Variants in PDE1C observed in about 807,000 individuals in gnomAD.
The protein encoded by PDE1C is phosphodiesterase 1C, also known as dual specificity calcium/calmodulin-dependent 3',5'-cyclic nucleotide phosphodiesterase 1C.
In PDE1C, 62 loss-of-function variants were observed where a neutral mutation model predicts 93.1. The observed-to-expected ratio is 0.67, with a 90% CI of 0.54 to 0.82. The LOEUF (loss-of-function observed/expected upper bound fraction) is 0.82, where lower values mean the gene tolerates loss of function less well. Among genes scored for constraint, PDE1C ranks in the 40% least tolerant of loss-of-function variants. PDE1C has a pLI of 0.00. For synonymous variants in PDE1C, 325 were observed against 310.1 expected (o/e 1.05, Z -0.50); for missense variants, 742 against 884.6 (o/e 0.84, Z 2.04).
intron 16 of PDE1C, chr7:31,788,599 C>T (rs1211193318): frequency 6.6e-6 from 1 of 152,068 alleles, no homozygotes; most frequent in African/African-American, 2.4e-5. Flanking sequence ...ATACAAAGGC[C>T]CACTATGAAT....
Position 32,294,180 on chromosome 7 carries a change from C to A in PDE1C, c.85+4471G>T, listed in dbSNP as rs574624090. Reference sequence around the variant, plus strand: ...AAGGGTAGGTCAGGGAACCCCCACTCCCAGCCCCTCAAGCCTCCGATTGCT... The same window carrying A: ...AAGGGTAGGTCAGGGAACCCCCACTACCAGCCCCTCAAGCCTCCGATTGCT... On this transcript the variant is annotated intron_variant, in intron 1 of 18. Coordinates refer to the PDE1C transcript ENST00000396193. Among the ~76,000 whole-genome samples, 34 of 152,286 alleles carry A rather than the reference C, an allele frequency of 2.2e-4. 1 individual carries two copies. The South Asian group carries it at 6.9e-3, about 31-fold the overall frequency.
downstream of PDE1C, among the ~76,000 whole-genome samples, chr7:31,750,549 G>A (rs1375086005): frequency 1.3e-5 from 2 of 152,166 alleles, no homozygotes; most frequent in Non-Finnish European, 2.9e-5. Context: ...CTTGCTGTAA[G>A]GCCAGCCCTG....
intron 2 of PDE1C, among the ~76,000 whole-genome samples, chr7:31,885,659 G>A (rs1797775161): frequency 6.6e-6 from 1 of 152,184 alleles, no homozygotes; most frequent in Non-Finnish European, 1.5e-5. Flanking sequence ...CCAGAGCACT[G>A]TATTTTGTAA....
intron 2 of PDE1C, among the ~76,000 whole-genome samples, chr7:31,942,127 A>C (rs1397471230): frequency 6.6e-6 from 1 of 152,130 alleles, no homozygotes; most frequent in Non-Finnish European, 1.5e-5. Flanking sequence ...CAGTCACTAA[A>C]TGTCTTCCTA....
chr7:32,175,864 T>C (rs945557978), intron 2 of PDE1C, among the ~76,000 whole-genome samples: 1 of 152,218 alleles, frequency 6.6e-6, no homozygotes, highest in Non-Finnish European at 1.5e-5. Flanking sequence ...ATGAATCTTG[T>C]CCATAGAAAT....
At chr7:31,636,239 G>A in the PDE1C span, among the ~76,000 whole-genome samples, 1 of 152,122 alleles carries the variant, frequency 6.6e-6, no homozygotes, top group African/African-American at 2.4e-5. Context: ...AAATTTGGGT[G>A]GGGACACAGC....
At position 31,782,057 on chromosome 7, in the gene PDE1C, T is replaced by A. The variant is rs77370526; in HGVS notation, c.1892-6325A>T. On this transcript the variant is annotated intron_variant, in intron 16 of 17. Transcript: ENST00000396191. ...TTCAGAAATGTGACAAAGCGTTATG[T>A]ACAAAGAGCTCCATTGCTGCTATTT... 5.5e-3 allele frequency among the ~76,000 whole-genome samples: 830 copies of A among 152,290 alleles called. 6 individuals are homozygous for A. Among genetic ancestry groups the A allele is most frequent in the African/African-American group, 0.018 (766 of 41,562 alleles).
intron 15 of PDE1C, 113 bp from the exon 16 acceptor site, chr7:31,809,221 G>C (rs531208987): frequency 1.1e-3 from 675 of 629,634 alleles, no homozygotes; most frequent in Admixed American, 2.1e-3. Flanking sequence ...ATAGTCATAA[G>C]AGTGTATGTG....
chr7:31,755,943 A>T (rs1167969244), intron 17 of PDE1C, among the ~76,000 whole-genome samples: 1 of 152,162 alleles, frequency 6.6e-6, no homozygotes, highest in African/African-American at 2.4e-5. Context: ...AGGCTGGCAG[A>T]TCACTGGAGG....
At chr7:32,261,157 T>A (rs1472788078) in intron 1 of PDE1C, among the ~76,000 whole-genome samples, 3 of 152,032 alleles carry the variant, frequency 2.0e-5, no homozygotes, top group Admixed American at 6.5e-5. Flanking sequence ...ATGCAGCCTC[T>A]GGCTCCAAGA....
intron 17 of PDE1C, among the ~76,000 whole-genome samples, chr7:31,775,024 T>A (rs993491492): frequency 6.6e-6 from 1 of 152,212 alleles, no homozygotes; most frequent in Non-Finnish European, 1.5e-5. Context: ...AGCACATGCA[T>A]GGAGACAGAA....
At chr7:32,209,513 C>T in exon 2 of PDE1C, 1 of 1,572,830 alleles carries the variant, frequency 6.4e-7, no homozygotes, top group Non-Finnish European at 8.6e-7. Flanking sequence ...AGTGGTCTGG[C>T]ATTCTTGTCT....
chr7:32,395,574 C>T (rs1784827637), intron 1 of PDE1C, among the ~76,000 whole-genome samples: 1 of 152,104 alleles, frequency 6.6e-6, no homozygotes, highest in Admixed American at 6.6e-5. Context: ...ATCCTATCAG[C>T]AAGCTGGGAA....
At chr7:32,176,403 T>C (rs1466068257) in intron 2 of PDE1C, among the ~76,000 whole-genome samples, 2 of 152,060 alleles carry the variant, frequency 1.3e-5, no homozygotes, top group African/African-American at 4.8e-5. Flanking sequence ...CCAGAAACAA[T>C]GAAAATTACC....
At chr7:31,905,294 C>T (rs1028120268) in intron 2 of PDE1C, among the ~76,000 whole-genome samples, 5 of 152,014 alleles carry the variant, frequency 3.3e-5, no homozygotes, top group African/African-American at 9.7e-5. Context: ...TATCATCACT[C>T]TAATATATAA....
chr7:32,256,188 C>T (rs1809782704), intron 1 of PDE1C, among the ~76,000 whole-genome samples: 2 of 152,180 alleles, frequency 1.3e-5, no homozygotes, highest in Non-Finnish European at 2.9e-5. Flanking sequence ...AATTAATCCT[C>T]GGGGATGTGA....
At chr7:32,173,917 C>T (rs1802814521) in intron 2 of PDE1C, among the ~76,000 whole-genome samples, 1 of 152,172 alleles carries the variant, frequency 6.6e-6, no homozygotes, top group South Asian at 2.1e-4. Context: ...CTTTCAATGC[C>T]CGTGCCATAA....
chr7:31,618,081 C>T, the PDE1C span, among the ~76,000 whole-genome samples: 1 of 152,196 alleles, frequency 6.6e-6, no homozygotes, highest in Non-Finnish European at 1.5e-5. Context: ...CTATCAGGTT[C>T]ACAGACTTTT....
chr7:32,047,431 A>G (rs1792755232), intron 2 of PDE1C, among the ~76,000 whole-genome samples: 1 of 152,190 alleles, frequency 6.6e-6, no homozygotes, highest in South Asian at 2.1e-4. Flanking sequence ...ACCCAATCCA[A>G]TAAGGTTTTC....
Sources: allele counts gnomAD v4.1 joint callset (sites outside exome capture counted in the v4.1 genomes callset), GRCh38; gene constraint gnomAD v4.1.1; transcripts MANE v1.5; gene names NCBI Gene and HGNC (gene_info 2026-07-23, HGNC 2026-07-21).